Variants in GRAMD1B observed in about 807,000 individuals in gnomAD.
GRAMD1B encodes GRAM domain containing 1B.
GRAMD1B carries 37 observed loss-of-function variants against 99.7 expected under a neutral mutation model. That is an observed-to-expected ratio of 0.37 (90% CI 0.29 to 0.49). The LOEUF (loss-of-function observed/expected upper bound fraction) is 0.49. Ranked by LOEUF, GRAMD1B falls within the 20% of genes least tolerant of loss-of-function variation. GRAMD1B has a pLI of 0.98. For missense variants in GRAMD1B, 888 were observed against 1,009.2 expected, an observed-to-expected ratio of 0.88 and a Z score of 1.63; for synonymous variants, 427 against 387.6, an observed-to-expected ratio of 1.10 and a Z score of -1.19.
Position 123,536,766 on chromosome 11 carries a change from A to G in GRAMD1B, c.453-40601A>G, listed in dbSNP as rs76694006. 3.3e-3 allele frequency among the ~76,000 whole-genome samples: 496 copies of G among 152,216 alleles called. 20 individuals are homozygous for G. The East Asian group carries it at 0.085, about 26-fold the overall frequency. ...TCAGTCAGTTTGACCCTTCCTTTCA[A>G]GTGAACAGCCTCCCCAGTCATGTGT... On this transcript the variant is annotated intron_variant, in intron 2 of 19. Coordinates refer to ENST00000635736, the MANE Select transcript of GRAMD1B (RefSeq NM_001387025.1).
At chr11:123,392,913 C>T (rs1247106568) in intron 1 of GRAMD1B, among the ~76,000 whole-genome samples, 1 of 152,180 alleles carries the variant, frequency 6.6e-6, no homozygotes, top group Non-Finnish European at 1.5e-5. Flanking sequence ...CGTTTTACTT[C>T]AACCACTTTT....
At chr11:123,468,381 G>A (rs193264866) in intron 1 of GRAMD1B, among the ~76,000 whole-genome samples, 1 of 152,060 alleles carries the variant, frequency 6.6e-6, no homozygotes, top group Non-Finnish European at 1.5e-5. Flanking sequence ...AGGCACTGTG[G>A]GTGGAAAAAA....
chr11:123,579,617 C>T (rs73615853), intron 3 of GRAMD1B, among the ~76,000 whole-genome samples: 8,219 of 152,072 alleles, frequency 0.054, 334 homozygotes, highest in African/African-American at 0.12. Flanking sequence ...CACCTCTGGC[C>T]TGGTTGATGT....
intron 3 of GRAMD1B, among the ~76,000 whole-genome samples, chr11:123,579,133 G>A (rs1367357086): frequency 6.6e-6 from 1 of 152,244 alleles, no homozygotes; most frequent in Non-Finnish European, 1.5e-5. Context: ...AACCTGGAGA[G>A]ATGTGGCCAG....
At position 123,594,108 on chromosome 11, in the gene GRAMD1B, A is replaced by G. The variant is rs761665708; in HGVS notation, c.711A>G (p.Arg237=). The G allele has an allele frequency of 1.9e-6, 3 of 1,613,410 alleles. No homozygotes were observed. Among genetic ancestry groups the G allele is most frequent in the Non-Finnish European group, 1.7e-6 (2 of 1,179,350 alleles). Residue 237 remains arginine, a synonymous_variant, in exon 5 of 20, where the codon AGA becomes AGG. Coordinates refer to ENST00000635736, the MANE Select transcript of GRAMD1B (RefSeq NM_001387025.1). ...YNVLSPTYKQ[R]NEDFRKLFKQ... The stretch of plus-strand genomic sequence containing the variant: ...TGTTAAGCCCCACCTACAAGCAGAG[A>G]AATGAAGACTTCAGAAAGCTCTTTA...
chr11:123,471,317 C>T (rs1446411441), intron 1 of GRAMD1B, among the ~76,000 whole-genome samples: 1 of 152,186 alleles, frequency 6.6e-6, no homozygotes, highest in Non-Finnish European at 1.5e-5. Context: ...AGAATGTAAA[C>T]TCCTTAAGAG....
intron 2 of GRAMD1B, among the ~76,000 whole-genome samples, chr11:123,481,104 A>G (rs1951574883): frequency 6.6e-6 from 1 of 152,160 alleles, no homozygotes; most frequent in Admixed American, 6.5e-5. Context: ...CTGGTTCCAG[A>G]GGCTTTTTGT....
intron 1 of GRAMD1B, among the ~76,000 whole-genome samples, chr11:123,383,276 GA>G (rs1179017618): frequency 6.6e-6 from 1 of 151,902 alleles, no homozygotes; most frequent in Non-Finnish European, 1.5e-5. Flanking sequence ...TGGTAGGGAA[GA>G]ACCTAGTTTC....
intron 1 of GRAMD1B, among the ~76,000 whole-genome samples, chr11:123,365,171 G>A (rs1339729912): frequency 6.6e-6 from 1 of 152,140 alleles, no homozygotes; most frequent in Non-Finnish European, 1.5e-5. Context: ...ACAATAAGTG[G>A]CAAACCAATG....
At chr11:123,442,654 C>T (rs555717085) in intron 1 of GRAMD1B, among the ~76,000 whole-genome samples, 12 of 152,258 alleles carry the variant, frequency 7.9e-5, no homozygotes, top group Middle Eastern at 3.4e-3. Flanking sequence ...CCTGTAGTCT[C>T]AGCTACTCAG....
intron 1 of GRAMD1B, among the ~76,000 whole-genome samples, chr11:123,471,543 G>C (rs1462463200): frequency 6.6e-6 from 1 of 152,226 alleles, no homozygotes; most frequent in Non-Finnish European, 1.5e-5. Context: ...AGTAATGCCA[G>C]AGAATGCAAG....
intron 1 of GRAMD1B, among the ~76,000 whole-genome samples, chr11:123,446,957 G>T (rs1303866834): frequency 6.6e-6 from 1 of 151,976 alleles, no homozygotes; most frequent in South Asian, 2.1e-4. Context: ...AAGGGAGAAA[G>T]AGAGAAAGAG....
At chr11:123,576,264 A>AGG (rs1480553681) in intron 2 of GRAMD1B, among the ~76,000 whole-genome samples, 1 of 152,132 alleles carries the variant, frequency 6.6e-6, no homozygotes, top group African/African-American at 2.4e-5. Flanking sequence ...TGCAGCCTGC[A>AGG]GGGGGGTCCA....
At chr11:123,480,769 G>T in intron 1 of GRAMD1B, 47 bp from the exon 2 acceptor site, 1 of 398,930 alleles carries the variant, frequency 2.5e-6, no homozygotes, top group South Asian at 1.3e-4. Flanking sequence ...CCCCAGGGTT[G>T]AGAAAGAAGC....
At chr11:123,419,708 T>TGTGTGTGTGTGTGTGTAA (rs1948358276) in intron 1 of GRAMD1B, among the ~76,000 whole-genome samples, 1 of 66,324 alleles carries the variant, frequency 1.5e-5, no homozygotes, top group African/African-American at 1.1e-4. Context: ...AGTGTGTGTG[T>TGTGTGTGTGTGTGTGTAA]GTGTGTGTGT....
chr11:123,583,495 T>C (rs1239560390), intron 3 of GRAMD1B, among the ~76,000 whole-genome samples: 1 of 152,156 alleles, frequency 6.6e-6, no homozygotes, highest in Non-Finnish European at 1.5e-5. Context: ...CTTGTCTATC[T>C]GCGTGTCCAT....
intron 1 of GRAMD1B, among the ~76,000 whole-genome samples, chr11:123,394,518 T>C (rs1180553075): frequency 3.3e-5 from 5 of 152,168 alleles, no homozygotes; most frequent in Non-Finnish European, 7.3e-5. Flanking sequence ...ATAGTACTTT[T>C]TACCTTTTCT....
At chr11:123,564,366 C>G (rs937116269) in intron 2 of GRAMD1B, among the ~76,000 whole-genome samples, 1 of 152,228 alleles carries the variant, frequency 6.6e-6, no homozygotes, top group African/African-American at 2.4e-5. Flanking sequence ...CTTTGTCATC[C>G]TCCTCCATGT....
chr11:123,569,247 G>C (rs1414784788), intron 2 of GRAMD1B, among the ~76,000 whole-genome samples: 1 of 152,178 alleles, frequency 6.6e-6, no homozygotes, highest in Admixed American at 6.5e-5. Context: ...AGTAAAAGGA[G>C]CTGAGACCAG....
Sources: allele counts gnomAD v4.1 joint callset (sites outside exome capture counted in the v4.1 genomes callset), GRCh38; gene constraint gnomAD v4.1.1; transcripts MANE v1.5; gene names NCBI Gene and HGNC (gene_info 2026-07-23, HGNC 2026-07-21).